The following PAPSS2 variants were observed in gnomAD, a reference collection of about 807,000 sequenced individuals.
The protein encoded by PAPSS2 is bifunctional 3'-phosphoadenosine 5'-phosphosulfate synthase 2.
Under a neutral mutation model 66.5 loss-of-function variants are expected in PAPSS2, and 61 were observed. That is an observed-to-expected ratio of 0.92 (90% CI 0.75 to 1.14). PAPSS2 has a LOEUF of 1.14. Ranked by LOEUF, PAPSS2 falls within the 50% of genes most tolerant of loss-of-function variation. The pLI, the probability that PAPSS2 is intolerant of heterozygous loss-of-function variation, is 0.00. For missense variants in PAPSS2, 708 were observed against 789.6 expected, an observed-to-expected ratio of 0.90 and a Z score of 1.24; for synonymous variants, 289 against 287.5, an observed-to-expected ratio of 1.01 and a Z score of -0.05.
intron 1 of PAPSS2, among the ~76,000 whole-genome samples, chr10:87,676,991 C>T (rs375125743): frequency 4.7e-5 from 7 of 148,306 alleles, no homozygotes; most frequent in Non-Finnish European, 8.9e-5. Context: ...GTCAGGAGTT[C>T]GAGACCAACT....
At chr10:87,736,282 T>C (rs1853799668) in intron 9 of PAPSS2, among the ~76,000 whole-genome samples, 1 of 147,560 alleles carries the variant, frequency 6.8e-6, no homozygotes, top group East Asian at 1.9e-4. Context: ...TTTTTTTTTT[T>C]TTTGAGACAG....
At chr10:87,738,571 GATTA>G (rs1205937408) in intron 9 of PAPSS2, among the ~76,000 whole-genome samples, 1 of 152,088 alleles carries the variant, frequency 6.6e-6, no homozygotes, top group East Asian at 1.9e-4. Flanking sequence ...CACCATGCCA[GATTA>G]ATTTTTATAT....
chr10:87,690,293 T>C (rs1853156409), intron 1 of PAPSS2, among the ~76,000 whole-genome samples: 1 of 152,180 alleles, frequency 6.6e-6, no homozygotes, highest in Non-Finnish European at 1.5e-5. Context: ...GTGGAAAGAT[T>C]TGCCAAGACA....
chr10:87,686,398 T>C (rs949464121), intron 1 of PAPSS2, among the ~76,000 whole-genome samples: 1 of 140,654 alleles, frequency 7.1e-6, no homozygotes, highest in Admixed American at 7.3e-5. Context: ...AGGGGGAGGG[T>C]GCAGCTATTT....
intron 4 of PAPSS2, 82 bp downstream of exon 4, chr10:87,714,264 T>C (rs1020723999): frequency 6.6e-6 from 10 of 1,516,478 alleles, no homozygotes; most frequent in Non-Finnish European, 9.1e-6. Flanking sequence ...AAATCTTCCT[T>C]GAGTTTCAAA....
chr10:87,697,244 AT>A (rs1429372269), intron 1 of PAPSS2, among the ~76,000 whole-genome samples: 1 of 152,162 alleles, frequency 6.6e-6, no homozygotes, highest in Non-Finnish European at 1.5e-5. Context: ...GTTATGGCAA[AT>A]AGGAAGATCA....
chr10:87,691,010 G>A (rs1853165144), intron 1 of PAPSS2, among the ~76,000 whole-genome samples: 1 of 152,112 alleles, frequency 6.6e-6, no homozygotes, highest in African/African-American at 2.4e-5. Flanking sequence ...GGGAGGTGGG[G>A]TGAGGGGCAA....
intron 1 of PAPSS2, among the ~76,000 whole-genome samples, chr10:87,679,477 T>C (rs1483652905): frequency 6.6e-6 from 1 of 152,230 alleles, no homozygotes; most frequent in East Asian, 1.9e-4. Context: ...CACAAAGTGA[T>C]AGACTCTTCA....
At chr10:87,704,887 C>T (rs747026273) in intron 1 of PAPSS2, among the ~76,000 whole-genome samples, 30 of 152,150 alleles carry the variant, frequency 2.0e-4, no homozygotes, top group Non-Finnish European at 4.1e-4. Context: ...AGTGATCCAC[C>T]CACCTCAGCT....
chr10:87,727,101 C>T (rs1262394737), intron 8 of PAPSS2, among the ~76,000 whole-genome samples, 183 bp from the exon 9 acceptor site: 1 of 152,174 alleles, frequency 6.6e-6, no homozygotes, highest in African/African-American at 2.4e-5. Context: ...TTTGGGAAGC[C>T]CTTCAAGGAC....
intron 9 of PAPSS2, among the ~76,000 whole-genome samples, chr10:87,730,165 C>T (rs961609898): frequency 3.3e-5 from 5 of 152,150 alleles, no homozygotes; most frequent in Non-Finnish European, 1.5e-5. Flanking sequence ...TTCCCCTTTG[C>T]CCCCTGAAGT....
chr10:87,716,248 C>G (rs911058124), intron 7 of PAPSS2, among the ~76,000 whole-genome samples: 1 of 152,182 alleles, frequency 6.6e-6, no homozygotes, highest in Non-Finnish European at 1.5e-5. Context: ...CTCCAGGTTG[C>G]TCATGTCAAG....
intron 7 of PAPSS2, among the ~76,000 whole-genome samples, chr10:87,719,165 C>G (rs1853567018): frequency 6.6e-6 from 1 of 152,126 alleles, no homozygotes; most frequent in Non-Finnish European, 1.5e-5. Flanking sequence ...GATGTGCTGC[C>G]CACCCCTACC....
At chr10:87,690,395 G>A (rs1374066804) in intron 1 of PAPSS2, among the ~76,000 whole-genome samples, 1 of 152,196 alleles carries the variant, frequency 6.6e-6, no homozygotes, top group Non-Finnish European at 1.5e-5. Context: ...GACAGAGCAT[G>A]TAAGGAACGA....
At chr10:87,667,456 A>G (rs188781893) in intron 1 of PAPSS2, among the ~76,000 whole-genome samples, 11 of 152,274 alleles carry the variant, frequency 7.2e-5, no homozygotes, top group Non-Finnish European at 1.3e-4. Flanking sequence ...GTCTCAAAAA[A>G]CCTCAACAAA....
At chr10:87,697,600 G>A (rs1853250673) in intron 1 of PAPSS2, among the ~76,000 whole-genome samples, 1 of 152,216 alleles carries the variant, frequency 6.6e-6, no homozygotes, top group African/African-American at 2.4e-5. Context: ...TCACTAAGAG[G>A]CGGCAGTCCA....
chr10:87,736,350 C>A (rs1344940730), intron 9 of PAPSS2, among the ~76,000 whole-genome samples: 1 of 148,668 alleles, frequency 6.7e-6, no homozygotes, highest in African/African-American at 2.5e-5. Context: ...TCACTGCAAC[C>A]TCCGCCTCCC....
chr10:87,696,764 A>G (rs1259700037), intron 1 of PAPSS2, among the ~76,000 whole-genome samples: 1 of 152,382 alleles, frequency 6.6e-6, no homozygotes, highest in East Asian at 1.9e-4. Flanking sequence ...TGAAGTGATT[A>G]TGAAATGTTT....
chr10:87,662,228 C>T (rs1473624339), intron 1 of PAPSS2, among the ~76,000 whole-genome samples: 1 of 152,146 alleles, frequency 6.6e-6, no homozygotes, highest in Non-Finnish European at 1.5e-5. Context: ...TGAGCACCTA[C>T]TGTATGCCAG....
Sources: allele counts gnomAD v4.1 joint callset (sites outside exome capture counted in the v4.1 genomes callset), GRCh38; gene constraint gnomAD v4.1.1; transcripts MANE v1.5; gene names NCBI Gene and HGNC (gene_info 2026-07-23, HGNC 2026-07-21).